The following CLNK variants were observed in gnomAD, a reference collection of about 807,000 sequenced individuals.
CLNK encodes the protein cytokine-dependent hematopoietic cell linker.
CLNK carries 74 observed loss-of-function variants against 68.6 expected under a neutral mutation model. The ratio of observed to expected loss-of-function variants is 1.08; its 90% CI spans 0.89 to 1.31. The LOEUF (loss-of-function observed/expected upper bound fraction) is 1.31. Among genes scored for constraint, CLNK ranks in the 50% most tolerant of loss-of-function variants. The pLI, the probability that CLNK is intolerant of heterozygous loss-of-function variation, is 0.00. For missense variants in CLNK, 553 were observed against 515.3 expected (o/e 1.07, Z -0.71); for synonymous variants, 198 against 172.2 (o/e 1.15, Z -1.17).
chr4:10,689,156 G>A (rs1233349338), upstream of CLNK, among the ~76,000 whole-genome samples: 3 of 150,636 alleles, frequency 2.0e-5, no homozygotes, highest in African/African-American at 7.3e-5. Context: ...TTTCGGGGGC[G>A]ACGAGGTCTT....
At chr4:10,722,989 A>T in the CLNK span, among the ~76,000 whole-genome samples, 1 of 152,058 alleles carries the variant, frequency 6.6e-6, no homozygotes, top group Non-Finnish European at 1.5e-5. Flanking sequence ...GGTTGCAGTT[A>T]GCTGAGATCA....
intron 2 of CLNK, among the ~76,000 whole-genome samples, chr4:10,666,715 G>A (rs1560270051): frequency 6.6e-6 from 1 of 152,244 alleles, no homozygotes; most frequent in Non-Finnish European, 1.5e-5. Flanking sequence ...TGCTTGATTA[G>A]CTTAATTCTC....
intron 2 of CLNK, among the ~76,000 whole-genome samples, chr4:10,663,054 C>T (rs1343261921): frequency 1.3e-5 from 2 of 152,212 alleles, no homozygotes; most frequent in African/African-American, 4.8e-5. Context: ...GAAGCAATCA[C>T]TCAGGTGACT....
In CLNK at chr4:10,516,064, A is replaced by AT. The variant is rs536039528; in HGVS notation, c.773-2468dup. ...GTCTTTCCAGTCAATAATAATAAAAATTTTTTTTTTTGAAATTTAGAACAC... is the reference window on the plus strand; with the variant it reads ...GTCTTTCCAGTCAATAATAATAAAAATTTTTTTTTTTTGAAATTTAGAACAC... On this transcript the variant is annotated intron_variant, in intron 15 of 18. Transcript: ENST00000226951. Among the ~76,000 whole-genome samples the AT allele has an allele frequency of 7.9e-4, 119 of 149,896 alleles. 2 individuals are homozygous for AT. Among genetic ancestry groups the AT allele is most frequent in the African/African-American group, 2.3e-3 (93 of 41,020 alleles).
intron 8 of CLNK, among the ~76,000 whole-genome samples, chr4:10,548,478 C>T (rs1263760803): frequency 1.3e-5 from 2 of 152,170 alleles, no homozygotes; most frequent in East Asian, 3.8e-4. Context: ...TTGATTCTTT[C>T]CTTTGCTGTG....
chr4:10,611,282 C>T (rs1276955515), intron 2 of CLNK, among the ~76,000 whole-genome samples: 1 of 152,168 alleles, frequency 6.6e-6, no homozygotes, highest in Non-Finnish European at 1.5e-5. Context: ...CACAGTACTG[C>T]ACTCCAGCCT....
chr4:10,699,897 T>G, the CLNK span, among the ~76,000 whole-genome samples: 1 of 152,270 alleles, frequency 6.6e-6, no homozygotes, highest in East Asian at 1.9e-4. Context: ...TTATACTGTA[T>G]TTTTATTGGT....
At chr4:10,569,281 T>C (rs1577135929) in intron 5 of CLNK, among the ~76,000 whole-genome samples, 1 of 138,938 alleles carries the variant, frequency 7.2e-6, no homozygotes, top group East Asian at 2.2e-4. Context: ...CATTTGAGGG[T>C]GGGGTTCTTA....
chr4:10,610,742 A>G (rs1213317342), intron 2 of CLNK, among the ~76,000 whole-genome samples: 1 of 150,892 alleles, frequency 6.6e-6, no homozygotes, highest in African/African-American at 2.4e-5. Flanking sequence ...AAGATTCTGG[A>G]TGCGTGATAG....
intron 2 of CLNK, among the ~76,000 whole-genome samples, chr4:10,654,503 A>G (rs1262968008): frequency 1.3e-5 from 2 of 150,238 alleles, no homozygotes; most frequent in African/African-American, 4.9e-5. Flanking sequence ...TAGAGCATTT[A>G]CCTCAAGATT....
chr4:10,726,211 T>C, the CLNK span, among the ~76,000 whole-genome samples: 1 of 152,264 alleles, frequency 6.6e-6, no homozygotes, highest in East Asian at 1.9e-4. Flanking sequence ...AACCTCTGCC[T>C]CTCGGGTTCA....
At chr4:10,558,744 T>C (rs1280207663) in intron 7 of CLNK, among the ~76,000 whole-genome samples, 1 of 152,194 alleles carries the variant, frequency 6.6e-6, no homozygotes, top group Non-Finnish European at 1.5e-5. Context: ...TAACTTCAGA[T>C]TTTTCATCTT....
chr4:10,711,415 GAA>G, the CLNK span, among the ~76,000 whole-genome samples: 2 of 152,108 alleles, frequency 1.3e-5, no homozygotes, highest in South Asian at 4.1e-4. Flanking sequence ...TCTCTTCCAA[GAA>G]TAGCTGCCAA....
intron 1 of CLNK, among the ~76,000 whole-genome samples, chr4:10,674,212 G>A (rs939987427): frequency 6.6e-6 from 1 of 151,956 alleles, no homozygotes; most frequent in Non-Finnish European, 1.5e-5. Context: ...GAGGGACCAG[G>A]CAGAAGGAGA....
intron 4 of CLNK, among the ~76,000 whole-genome samples, chr4:10,574,744 G>A (rs1720489106): frequency 6.6e-6 from 1 of 152,124 alleles, no homozygotes; most frequent in Non-Finnish European, 1.5e-5. Context: ...TTGCACCCTG[G>A]GCCTGGTTAA....
chr4:10,608,667 G>T (rs1721878701), intron 2 of CLNK, among the ~76,000 whole-genome samples: 1 of 152,156 alleles, frequency 6.6e-6, no homozygotes, highest in African/African-American at 2.4e-5. Context: ...TTGAAATCGG[G>T]AAGAAAACCC....
At chr4:10,527,902 A>G (rs1371881657) in intron 13 of CLNK, among the ~76,000 whole-genome samples, 174 bp downstream of exon 13, 1 of 152,106 alleles carries the variant, frequency 6.6e-6, no homozygotes, top group Non-Finnish European at 1.5e-5. Context: ...GAGGACTCTG[A>G]GGTCCTGGGG....
At chr4:10,690,967 A>G in the CLNK span, among the ~76,000 whole-genome samples, 1 of 152,136 alleles carries the variant, frequency 6.6e-6, no homozygotes, top group African/African-American at 2.4e-5. Context: ...ATGAAACAGG[A>G]TAATGAAATG....
At chr4:10,591,581 A>C (rs763677) in intron 3 of CLNK, among the ~76,000 whole-genome samples, 33,220 of 152,146 alleles carry the variant, frequency 0.22, 3,930 homozygotes, top group African/African-American at 0.3. Context: ...GGGCATCCCA[A>C]AGTGAGACGG....
Sources: gnomAD v4.1 joint callset for allele counts (sites outside exome capture counted in the v4.1 genomes callset) on GRCh38, gnomAD v4.1.1 for gene constraint, MANE v1.5 for transcripts, NCBI Gene and HGNC (gene_info 2026-07-23, HGNC 2026-07-21) for gene names.